SRGAP1: variants seen among roughly 807,000 people sequenced by gnomAD.
SRGAP1 encodes SLIT-ROBO Rho GTPase activating protein 1, also known as SLIT-ROBO Rho GTPase-activating protein 1.
Under a neutral mutation model 121.9 loss-of-function variants are expected in SRGAP1, and 43 were observed. The observed-to-expected ratio is 0.35, with a 90% CI of 0.28 to 0.46. The LOEUF (loss-of-function observed/expected upper bound fraction) is 0.46, where lower values mean the gene tolerates loss of function less well. Ranked by LOEUF, SRGAP1 falls within the 20% of genes least tolerant of loss-of-function variation. The probability of loss-of-function intolerance (pLI) is 1.00; values close to 1 mark genes in which losing one functional copy is unlikely to be tolerated. For missense variants in SRGAP1, 1,102 were observed against 1,350.9 expected (o/e 0.82, Z 2.89); for synonymous variants, 447 against 485.4 (o/e 0.92, Z 1.04).
intron 1 of SRGAP1, among the ~76,000 whole-genome samples, chr12:63,859,608 C>T (rs893771115): frequency 2.0e-5 from 3 of 151,910 alleles, no homozygotes; most frequent in African/African-American, 7.3e-5. Flanking sequence ...TCTTTTTTAT[C>T]CTTATTTTCT....
intron 1 of SRGAP1, among the ~76,000 whole-genome samples, chr12:63,924,624 T>C (rs778895199): frequency 6.6e-6 from 1 of 152,244 alleles, no homozygotes; most frequent in Non-Finnish European, 1.5e-5. Flanking sequence ...TAGTGAACTT[T>C]ATCACTTACA....
intron 3 of SRGAP1, among the ~76,000 whole-genome samples, chr12:64,001,071 C>G: frequency 6.6e-6 from 1 of 152,148 alleles, no homozygotes; most frequent in East Asian, 1.9e-4. Flanking sequence ...CACATACACA[C>G]ACAAACACGT....
chr12:64,094,068 G>A (rs936467990), intron 12 of SRGAP1, among the ~76,000 whole-genome samples: 1 of 151,818 alleles, frequency 6.6e-6, no homozygotes, highest in Non-Finnish European at 1.5e-5. Flanking sequence ...TGTTTTTTTG[G>A]CTTTCTTTTT....
chr12:64,077,569 CAG>C (rs1402818616), intron 8 of SRGAP1, among the ~76,000 whole-genome samples: 1 of 151,106 alleles, frequency 6.6e-6, no homozygotes, highest in Non-Finnish European at 1.5e-5. Context: ...CATTGTGTGA[CAG>C]AAGGAAAAAG....
At chr12:64,059,714 C>A (rs1378776) in intron 6 of SRGAP1, among the ~76,000 whole-genome samples, 143,183 of 152,088 alleles carry the variant, frequency 0.94, 67,960 homozygotes, top group East Asian at 1. Flanking sequence ...TAAAACCGCT[C>A]CACACAACCA....
At chr12:63,890,009 G>T (rs1412514073) in intron 1 of SRGAP1, among the ~76,000 whole-genome samples, 1 of 151,998 alleles carries the variant, frequency 6.6e-6, no homozygotes, top group South Asian at 2.1e-4. Context: ...ATGACATGTC[G>T]TTTCTTCCTA....
rs1366773672 is a variant in SRGAP1 at position 64,153,530 on chromosome 12, T to A, written c.*10858T>A. The A allele has an allele frequency of 6.6e-6, 1 of 151,764 alleles. No homozygotes were observed. The highest frequency in any genetic ancestry group is 6.6e-5 in the Admixed American group (1 of 15,246). 9.4% of individuals were successfully genotyped at this position (151,764 alleles called of 1,614,324 possible). On this transcript the variant is annotated 3_prime_UTR_variant, in exon 22 of 22. Transcript: ENST00000355086. ...TCATTCTAAGTTCAAGGAAAGCCATTGGAAGTTTCCAAAAAGGAACATGAC... is the reference window on the plus strand; with the variant it reads ...TCATTCTAAGTTCAAGGAAAGCCATAGGAAGTTTCCAAAAAGGAACATGAC...
intron 15 of SRGAP1, 108 bp from the exon 16 acceptor site, chr12:64,108,824 C>G: frequency 1.6e-6 from 1 of 635,634 alleles, no homozygotes. Context: ...CACACAAGAG[C>G]AGGGTGTTGC....
chr12:63,945,267 GTT>G (rs1555243104), intron 1 of SRGAP1, among the ~76,000 whole-genome samples: 4 of 145,008 alleles, frequency 2.8e-5, no homozygotes. Context: ...CTTTCTGTTT[GTT>G]TTTTTTTTTT....
intron 4 of SRGAP1, among the ~76,000 whole-genome samples, chr12:64,039,354 C>A (rs902205425): frequency 6.6e-6 from 1 of 152,142 alleles, no homozygotes; most frequent in African/African-American, 2.4e-5. Flanking sequence ...TTCCTTTTAA[C>A]CCACACTAGT....
chr12:63,916,497 T>C (rs2030786041), intron 1 of SRGAP1, among the ~76,000 whole-genome samples: 1 of 152,132 alleles, frequency 6.6e-6, no homozygotes, highest in Non-Finnish European at 1.5e-5. Context: ...GCCAGCTCTA[T>C]ACCAGACGCT....
At chr12:64,000,039 G>A (rs2033830325) in intron 3 of SRGAP1, among the ~76,000 whole-genome samples, 1 of 152,116 alleles carries the variant, frequency 6.6e-6, no homozygotes. Flanking sequence ...TGGTCAATAT[G>A]CAAAGGTCCA....
intron 4 of SRGAP1, among the ~76,000 whole-genome samples, chr12:64,028,735 G>C (rs1223010977): frequency 6.6e-6 from 1 of 152,220 alleles, no homozygotes; most frequent in Non-Finnish European, 1.5e-5. Context: ...ATTCGTGAGT[G>C]CTCTGCTCCC....
In SRGAP1 at chr12:64,005,938, A is replaced by G. The variant is rs537323901; in HGVS notation, c.427-11012A>G. Among the ~76,000 whole-genome samples, 11 of 152,284 alleles carry G rather than the reference A, an allele frequency of 7.2e-5. No individual in the cohort carries two copies. The South Asian group carries it at 1.4e-3, about 20-fold the overall frequency. On this transcript the variant is annotated intron_variant, in intron 3 of 21. Transcript: ENST00000355086. ...TGTGATAGGCACAGTGGCGGCTACT[A>G]TGGTCACAAAAGCGAGTAAGACACA...
In SRGAP1 at chr12:63,880,919, C is replaced by G. The variant is rs192756219; in HGVS notation, c.67+36036C>G. ...TGATGTGTTCCAGGCGTCTCACCAG[C>G]CTTCCTTTATCTGCACACTCTTCAC... On this transcript the variant is annotated intron_variant, in intron 1 of 21. Transcript: ENST00000355086. 3.3e-5 allele frequency among the ~76,000 whole-genome samples: 5 copies of G among 152,298 alleles called. No homozygotes were observed. The East Asian group carries it at 9.7e-4, about 29-fold the overall frequency.
chr12:63,846,155 G>A (rs962888066), intron 1 of SRGAP1, among the ~76,000 whole-genome samples: 1 of 152,130 alleles, frequency 6.6e-6, no homozygotes, highest in Non-Finnish European at 1.5e-5. Flanking sequence ...AATGTGTTCA[G>A]GAGACACAGA....
At chr12:63,913,779 C>T (rs978666784) in intron 1 of SRGAP1, among the ~76,000 whole-genome samples, 1 of 151,916 alleles carries the variant, frequency 6.6e-6, no homozygotes, top group African/African-American at 2.4e-5. Context: ...GCATTTAGAC[C>T]TTGTATAGCA....
intron 21 of SRGAP1, among the ~76,000 whole-genome samples, chr12:64,138,905 A>C (rs1157476448): frequency 1.3e-5 from 2 of 152,170 alleles, no homozygotes; most frequent in Non-Finnish European, 2.9e-5. Context: ...TTTCTCCAAA[A>C]TGGTGAACAA....
chr12:64,067,972 A>T (rs2035569555), intron 8 of SRGAP1, among the ~76,000 whole-genome samples: 1 of 152,046 alleles, frequency 6.6e-6, no homozygotes, highest in Non-Finnish European at 1.5e-5. Flanking sequence ...AAAAGCATGG[A>T]CAGTACAGCT....
Sources: allele counts gnomAD v4.1 joint callset (sites outside exome capture counted in the v4.1 genomes callset), GRCh38; gene constraint gnomAD v4.1.1; transcripts MANE v1.5; gene names NCBI Gene and HGNC (gene_info 2026-07-23, HGNC 2026-07-21).